Variants in VAV3 observed in about 807,000 individuals in gnomAD.
VAV3 encodes vav guanine nucleotide exchange factor 3, also known as guanine nucleotide exchange factor VAV3.
A neutral mutation model predicts 131.2 loss-of-function variants in VAV3; 94 were observed. The ratio of observed to expected loss-of-function variants is 0.72; its 90% CI spans 0.61 to 0.85. The LOEUF (loss-of-function observed/expected upper bound fraction) is 0.85, where lower values mean the gene tolerates loss of function less well. Among genes scored for constraint, VAV3 ranks in the 40% least tolerant of loss-of-function variants. The pLI is 0.00. For missense variants in VAV3, 939 were observed against 1,002.7 expected (o/e 0.94, Z 0.86); for synonymous variants, 349 against 342.0 (o/e 1.02, Z -0.22).
intron 20 of VAV3, among the ~76,000 whole-genome samples, chr1:107,628,600 CAA>C (rs1427135652): frequency 6.6e-6 from 1 of 152,140 alleles, no homozygotes; most frequent in Non-Finnish European, 1.5e-5. Context: ...TCCTGTTACA[CAA>C]AAAGTTATAC....
chr1:107,963,898 A>C (rs1178604652), intron 1 of VAV3, among the ~76,000 whole-genome samples: 1 of 152,230 alleles, frequency 6.6e-6, no homozygotes, highest in African/African-American at 2.4e-5. Context: ...AACCTTCCAG[A>C]GGTGTCTGGC....
intron 1 of VAV3, among the ~76,000 whole-genome samples, chr1:107,957,552 G>A (rs1674877568): frequency 1.3e-5 from 2 of 152,102 alleles, no homozygotes; most frequent in African/African-American, 4.8e-5. Flanking sequence ...AGATGCTACA[G>A]GGAAGCGAAT....
chr1:107,782,094 C>A (rs1665721037), intron 2 of VAV3, among the ~76,000 whole-genome samples: 2 of 152,098 alleles, frequency 1.3e-5, no homozygotes, highest in Admixed American at 1.3e-4. Flanking sequence ...GGGGTGAAAT[C>A]TGCCTCTGAT....
At chr1:107,782,747 G>A (rs938729844) in intron 2 of VAV3, among the ~76,000 whole-genome samples, 5 of 152,182 alleles carry the variant, frequency 3.3e-5, no homozygotes, top group East Asian at 1.9e-4. Context: ...AAGGCGAAGC[G>A]TATCCGGATT....
At chr1:107,609,684 C>T (rs544917571) in intron 22 of VAV3, 1 of 400,108 alleles carries the variant, frequency 2.5e-6, no homozygotes, top group South Asian at 9.1e-5. Context: ...CTTTCTGTGG[C>T]TGGTATAAAC....
chr1:107,689,773 G>T (rs577469198), intron 17 of VAV3, among the ~76,000 whole-genome samples: 1 of 152,096 alleles, frequency 6.6e-6, no homozygotes, highest in African/African-American at 2.4e-5. Context: ...AACACATAAC[G>T]TTTCAGAAGA....
At position 107,874,923 on chromosome 1, in the gene VAV3, A is replaced by G. The variant is rs577192703; in HGVS notation, c.299T>C (p.Phe100Ser). 1.9e-6 allele frequency: 3 copies of G among 1,613,334 alleles called. No individual in the cohort carries two copies. The highest frequency in any genetic ancestry group is 4.5e-5 in the East Asian group (2 of 44,822). The change falls in exon 2 of 27, where the codon TTT becomes TCT. Residue 100 changes from phenylalanine (F) to serine (S), a missense_variant. By Grantham distance (155) the Phe-to-Ser change is radical. Coordinates refer to ENST00000370056, the MANE Select transcript of VAV3 (RefSeq NM_006113.5). ...TACCTTTCCAAAGTCACGAACATCA[A>G]ACAAGTCAAATGCCTCGAAAAGTTC... ...KSELFEAFDL[F>S]DVRDFGKVIE...
chr1:107,715,401 G>A (rs1330055241), intron 15 of VAV3, among the ~76,000 whole-genome samples: 3 of 152,150 alleles, frequency 2.0e-5, no homozygotes, highest in African/African-American at 7.2e-5. Context: ...TCAAGGTAGA[G>A]CAGTATAAAT....
intron 1 of VAV3, among the ~76,000 whole-genome samples, chr1:107,921,173 C>G (rs889396143): frequency 6.6e-6 from 1 of 152,176 alleles, no homozygotes; most frequent in African/African-American, 2.4e-5. Context: ...CAATCCCATC[C>G]GCTCTCTCAT....
chr1:107,634,699 G>A (rs1454515946), intron 20 of VAV3, among the ~76,000 whole-genome samples: 1 of 150,310 alleles, frequency 6.7e-6, no homozygotes, highest in Non-Finnish European at 1.5e-5. Flanking sequence ...TACAACATGG[G>A]AGAAAATTTT....
chr1:107,869,102 T>C (rs918656643), intron 2 of VAV3, among the ~76,000 whole-genome samples: 4 of 152,130 alleles, frequency 2.6e-5, no homozygotes, highest in Admixed American at 2.6e-4. Context: ...CCCTTGCAAA[T>C]GTCTTATTGG....
At chr1:107,943,969 C>T (rs1377444353) in intron 1 of VAV3, among the ~76,000 whole-genome samples, 1 of 152,258 alleles carries the variant, frequency 6.6e-6, no homozygotes, top group Non-Finnish European at 1.5e-5. Flanking sequence ...AGGACCAGTG[C>T]ATCCTGCACT....
At chr1:107,692,674 G>C (rs1429850180) in intron 17 of VAV3, among the ~76,000 whole-genome samples, 1 of 152,138 alleles carries the variant, frequency 6.6e-6, no homozygotes, top group African/African-American at 2.4e-5. Context: ...CAGTCTCTCA[G>C]TTTTAAACCA....
At chr1:107,951,772 A>G (rs151170119) in intron 1 of VAV3, among the ~76,000 whole-genome samples, 38 of 152,120 alleles carry the variant, frequency 2.5e-4, no homozygotes, top group Non-Finnish European at 4.1e-4. Context: ...ATAATGAGAT[A>G]CTATCTCATA....
At chr1:107,688,252 CCTCT>C (rs1659173327) in intron 18 of VAV3, 125 bp downstream of exon 18, 2 of 1,153,676 alleles carry the variant, frequency 1.7e-6, no homozygotes, top group East Asian at 2.6e-5. Flanking sequence ...TTGGTTGTTC[CCTCT>C]GTTTCTGTTT....
At position 107,675,777 on chromosome 1, in the gene VAV3, A is replaced by G. The variant is rs184307940; in HGVS notation, c.1777+7711T>C. Among the ~76,000 whole-genome samples the G allele has an allele frequency of 9.8e-5, 15 of 152,298 alleles. No individual in the cohort carries two copies. The East Asian group carries it at 2.9e-3, about 29-fold the overall frequency. ...CCAATCTATGCTAACATGTCAGTAG[A>G]TAACAGTAGAAAAAAGGATGATCAC... On this transcript the variant is annotated intron_variant, in intron 19 of 26. Transcript: ENST00000370056.
intron 2 of VAV3, among the ~76,000 whole-genome samples, chr1:107,820,168 C>T (rs1253560944): frequency 6.6e-6 from 1 of 152,138 alleles, no homozygotes; most frequent in East Asian, 1.9e-4. Context: ...CCCTGTTTAT[C>T]ACAGTACTGT....
At chr1:107,785,344 G>C (rs780205390) in intron 2 of VAV3, 2 of 1,018,446 alleles carry the variant, frequency 2.0e-6, no homozygotes, top group Non-Finnish European at 2.6e-6. Context: ...TTATCTTCTT[G>C]AGTTCTCTAT....
chr1:107,729,243 C>G (rs1428728700), intron 15 of VAV3, among the ~76,000 whole-genome samples: 2 of 152,086 alleles, frequency 1.3e-5, no homozygotes, highest in Non-Finnish European at 2.9e-5. Context: ...CGAGAAGAAG[C>G]TTTAATGCAT....
Sources: allele counts gnomAD v4.1 joint callset (sites outside exome capture counted in the v4.1 genomes callset), GRCh38; gene constraint gnomAD v4.1.1; transcripts MANE v1.5; gene names NCBI Gene and HGNC (gene_info 2026-07-23, HGNC 2026-07-21).